The following PTPRD variants were observed in gnomAD, a reference collection of about 807,000 sequenced individuals.
The protein encoded by PTPRD is protein tyrosine phosphatase receptor type D.
A neutral mutation model predicts 214.5 loss-of-function variants in PTPRD; 34 were observed. The observed-to-expected ratio is 0.16, with a 90% CI of 0.12 to 0.21. The LOEUF (loss-of-function observed/expected upper bound fraction) is 0.21, where lower values mean the gene tolerates loss of function less well. PTPRD is among the 10% of genes least tolerant of loss of function. The pLI is 1.00. For synonymous variants in PTPRD, 1,128 were observed against 845.7 expected, an observed-to-expected ratio of 1.33 and a Z score of -5.79; for missense variants, 2,545 against 2,398.7, an observed-to-expected ratio of 1.06 and a Z score of -1.27.
At chr9:8,322,471 G>A (rs775929056) in intron 44 of PTPRD, among the ~76,000 whole-genome samples, 2 of 152,172 alleles carry the variant, frequency 1.3e-5, no homozygotes, top group Admixed American at 1.3e-4. Context: ...GGCCTGCATA[G>A]AAGATCAAAT....
intron 10 of PTPRD, among the ~76,000 whole-genome samples, chr9:9,083,041 G>C (rs2099761564): frequency 1.3e-5 from 2 of 152,050 alleles, no homozygotes; most frequent in Non-Finnish European, 2.9e-5. Context: ...CACAGAATTA[G>C]AAAAAACTAC....
chr9:9,082,403 C>T (rs922095532), intron 10 of PTPRD, among the ~76,000 whole-genome samples: 2 of 152,034 alleles, frequency 1.3e-5, no homozygotes, highest in African/African-American at 2.4e-5. Context: ...AAATTCAACA[C>T]CGCTTCATGC....
intron 2 of PTPRD, among the ~76,000 whole-genome samples, chr9:10,581,140 T>C (rs536728742): frequency 1.3e-5 from 2 of 152,252 alleles, no homozygotes; most frequent in African/African-American, 4.8e-5. Context: ...ACAATATCCT[T>C]ATCCCACAGA....
intron 7 of PTPRD, among the ~76,000 whole-genome samples, chr9:9,730,144 A>G (rs2098163264): frequency 6.6e-6 from 1 of 152,136 alleles, no homozygotes. Flanking sequence ...TAAACTCTCT[A>G]GATGGAAATA....
At chr9:8,692,522 T>C (rs1417211464) in intron 12 of PTPRD, among the ~76,000 whole-genome samples, 2 of 152,216 alleles carry the variant, frequency 1.3e-5, no homozygotes, top group African/African-American at 2.4e-5. Context: ...GATTTAATGA[T>C]GTGCTCTTGA....
intron 8 of PTPRD, among the ~76,000 whole-genome samples, chr9:9,430,263 C>G (rs185801315): frequency 5.9e-5 from 9 of 152,028 alleles, no homozygotes; most frequent in Non-Finnish European, 1.2e-4. Flanking sequence ...CAATAACAGA[C>G]AAACAGAGAG....
chr9:8,342,470 C>T (rs1022111734), intron 39 of PTPRD, among the ~76,000 whole-genome samples: 6 of 152,068 alleles, frequency 3.9e-5, no homozygotes, highest in African/African-American at 1.4e-4. Flanking sequence ...TTTATCAAAC[C>T]CTTCAGGCTG....
chr9:9,795,468 G>A (rs1325635630), intron 5 of PTPRD, among the ~76,000 whole-genome samples: 1 of 151,956 alleles, frequency 6.6e-6, no homozygotes, highest in East Asian at 1.9e-4. Context: ...TTGTATTTAA[G>A]GAACCAAAAA....
At chr9:10,124,663 T>C (rs1377444931) in intron 3 of PTPRD, among the ~76,000 whole-genome samples, 1 of 152,216 alleles carries the variant, frequency 6.6e-6, no homozygotes, top group Admixed American at 6.6e-5. Context: ...TTTTTAAGTA[T>C]GTTATTAATA....
chr9:9,910,033 G>C (rs968076822), intron 5 of PTPRD, among the ~76,000 whole-genome samples: 4 of 151,790 alleles, frequency 2.6e-5, no homozygotes, highest in African/African-American at 4.8e-5. Context: ...ATGGTCTCTG[G>C]AGCCATAACC....
At chr9:8,900,585 C>T (rs1566908881) in intron 11 of PTPRD, among the ~76,000 whole-genome samples, 1 of 152,300 alleles carries the variant, frequency 6.6e-6, no homozygotes, top group South Asian at 2.1e-4. Flanking sequence ...GGTGCTCCAC[C>T]AATTTTCCTT....
chr9:8,565,012 C>A (rs1192814468), intron 14 of PTPRD, among the ~76,000 whole-genome samples: 2 of 152,186 alleles, frequency 1.3e-5, no homozygotes, highest in Non-Finnish European at 2.9e-5. Flanking sequence ...TACAAAAGCT[C>A]CTTCATTGAA....
intron 7 of PTPRD, among the ~76,000 whole-genome samples, chr9:9,666,165 T>A (rs2096717839): frequency 6.6e-6 from 1 of 151,894 alleles, no homozygotes; most frequent in Non-Finnish European, 1.5e-5. Flanking sequence ...TTAAAGCAAC[T>A]GAAACTTTAT....
chr9:9,942,131 CCA>C (rs2091617977), intron 4 of PTPRD, among the ~76,000 whole-genome samples: 1 of 152,058 alleles, frequency 6.6e-6, no homozygotes, highest in South Asian at 2.1e-4. Flanking sequence ...TTCCCATTTC[CCA>C]CCCTCACCAA....
At chr9:8,495,876 C>T (rs914356497) in intron 26 of PTPRD, among the ~76,000 whole-genome samples, 18 of 152,098 alleles carry the variant, frequency 1.2e-4, no homozygotes, top group South Asian at 2.1e-4. Flanking sequence ...GGAAGAATAC[C>T]GTCTTGCCAG....
chr9:9,679,626 G>C (rs1163535981), intron 7 of PTPRD, among the ~76,000 whole-genome samples: 1 of 151,860 alleles, frequency 6.6e-6, no homozygotes, highest in Non-Finnish European at 1.5e-5. Context: ...TTATGAAGTA[G>C]TCATTAAACA....
chr9:9,063,549 A>G (rs1410636783), intron 10 of PTPRD, among the ~76,000 whole-genome samples: 1 of 152,162 alleles, frequency 6.6e-6, no homozygotes, highest in Non-Finnish European at 1.5e-5. Context: ...TTTCATTTTA[A>G]AAAACATTTT....
intron 10 of PTPRD, among the ~76,000 whole-genome samples, chr9:9,093,636 T>C (rs1438232985): frequency 1.3e-5 from 2 of 150,476 alleles, no homozygotes; most frequent in South Asian, 2.1e-4. Flanking sequence ...TTTAATTTTA[T>C]AAAATTAAAA....
intron 4 of PTPRD, among the ~76,000 whole-genome samples, chr9:9,998,654 C>G (rs1336225221): frequency 6.6e-6 from 1 of 152,018 alleles, no homozygotes; most frequent in Non-Finnish European, 1.5e-5. Flanking sequence ...TAGGGGAGCT[C>G]TAAGCTAACA....
Sources: allele counts gnomAD v4.1 joint callset (sites outside exome capture counted in the v4.1 genomes callset), GRCh38; gene constraint gnomAD v4.1.1; transcripts MANE v1.5; gene names NCBI Gene and HGNC (gene_info 2026-07-23, HGNC 2026-07-21).